POU2F2: variants seen among roughly 807,000 people sequenced by gnomAD.
POU2F2 encodes the protein POU class 2 homeobox 2, also known as POU domain, class 2, transcription factor 2.
In POU2F2, 14 loss-of-function variants were observed where a neutral mutation model predicts 63.5. That is an observed-to-expected ratio of 0.22 (90% confidence interval 0.15 to 0.34). The LOEUF (loss-of-function observed/expected upper bound fraction) is 0.34, where lower values mean the gene tolerates loss of function less well. POU2F2 is among the 10% of genes least tolerant of loss of function. The pLI is 1.00. For missense variants in POU2F2, 607 were observed against 815.2 expected, an observed-to-expected ratio of 0.74 and a Z score of 3.11; for synonymous variants, 306 against 348.6, an observed-to-expected ratio of 0.88 and a Z score of 1.36.
chr19:42,172,226 C>G (rs2034784434), intron 1 of POU2F2, among the ~76,000 whole-genome samples: 5 of 152,206 alleles, frequency 3.3e-5, no homozygotes, highest in Admixed American at 3.3e-4. Context: ...CCCCAGATTC[C>G]TAATGACCTG....
chr19:42,180,890 A>T (rs1599726393), upstream of POU2F2, among the ~76,000 whole-genome samples: 1 of 144,554 alleles, frequency 6.9e-6, no homozygotes, highest in Non-Finnish European at 1.5e-5. Context: ...CACCACACCC[A>T]TCTATTTTTT....
chr19:42,184,583 C>CA (rs1193206361), intron 1 of POU2F2, among the ~76,000 whole-genome samples: 1 of 152,148 alleles, frequency 6.6e-6, no homozygotes, highest in Non-Finnish European at 1.5e-5. Context: ...CATGCCCTTC[C>CA]AGAGGCCAGT....
intron 1 of POU2F2, among the ~76,000 whole-genome samples, chr19:42,182,919 C>T (rs1461814605): frequency 6.6e-6 from 1 of 152,040 alleles, no homozygotes; most frequent in African/African-American, 2.4e-5. Context: ...GGCCCTGAGA[C>T]CACAAGCGGG....
At chr19:42,195,801 A>T (rs1299489855) in intron 1 of POU2F2, among the ~76,000 whole-genome samples, 2 of 121,292 alleles carry the variant, frequency 1.6e-5, no homozygotes, top group African/African-American at 6.5e-5. Context: ...TTTTTCTGAG[A>T]CAGAGTCTCA....
At chr19:42,191,867 G>A (rs1341646350) in intron 1 of POU2F2, among the ~76,000 whole-genome samples, 3 of 152,106 alleles carry the variant, frequency 2.0e-5, no homozygotes, top group Non-Finnish European at 4.4e-5. Context: ...TTAGAATTCC[G>A]ACTCTGCCAT....
At chr19:42,099,187 C>T (rs2077034518) in intron 7 of POU2F2, 1 of 269,784 alleles carries the variant, frequency 3.7e-6, no homozygotes, top group Admixed American at 4.8e-5. Flanking sequence ...GCATTTGCAG[C>T]CTAAAGGCTT....
chr19:42,188,711 G>C (rs1192720755), intron 1 of POU2F2, among the ~76,000 whole-genome samples: 1 of 135,538 alleles, frequency 7.4e-6, no homozygotes, highest in South Asian at 2.6e-4. Context: ...GAAAGACAGA[G>C]AGAGGGAGGG....
chr19:42,180,894 A>G (rs976513230), upstream of POU2F2, among the ~76,000 whole-genome samples: 1 of 140,256 alleles, frequency 7.1e-6, no homozygotes, highest in Admixed American at 7.1e-5. Context: ...ACACCCATCT[A>G]TTTTTTTTTT....
rs573513584 is a variant in POU2F2 at position 42,096,481 on chromosome 19, C to T, written c.568-238G>A. ...ACATGGGTTTCCTCATTGCCTGGGA[C>T]TCTCTGCACTGTCCCTTCACGCCTG... On this transcript the variant is annotated intron_variant, in intron 7 of 14. Transcript: ENST00000692977. The surrounding 1 kb of genome is among the most constrained non-coding windows in gnomAD (Gnocchi z 4.1). Among the ~76,000 whole-genome samples, 1 of 152,342 alleles carries T rather than the reference C, an allele frequency of 6.6e-6. No homozygotes were observed. Among genetic ancestry groups the T allele is most frequent in the South Asian group, 2.1e-4 (1 of 4,832 alleles).
At chr19:42,142,745 G>A (rs1427939865) in intron 2 of POU2F2, among the ~76,000 whole-genome samples, 1 of 151,726 alleles carries the variant, frequency 6.6e-6, no homozygotes, top group Non-Finnish European at 1.5e-5. Context: ...GTACTTTTTG[G>A]TAGAGACAGG....
chr19:42,126,123 G>A (rs2146669754), intron 1 of POU2F2, among the ~76,000 whole-genome samples: 2 of 152,260 alleles, frequency 1.3e-5, no homozygotes, highest in East Asian at 3.9e-4. Context: ...CATTAGGGTG[G>A]ACCTTACTAC....
intron 1 of POU2F2, among the ~76,000 whole-genome samples, chr19:42,160,587 G>A (rs1437017820): frequency 1.3e-5 from 2 of 152,174 alleles, no homozygotes; most frequent in Non-Finnish European, 2.9e-5. Flanking sequence ...TCTGGCCTCT[G>A]AGCCTCTGTG....
At chr19:42,111,403 T>G (rs1278319560) in intron 5 of POU2F2, among the ~76,000 whole-genome samples, 1 of 152,194 alleles carries the variant, frequency 6.6e-6, no homozygotes, top group Non-Finnish European at 1.5e-5. Context: ...CATAAGCCAC[T>G]GTGCCTGGCC....
In POU2F2 at chr19:42,092,818, T is replaced by C. The variant is rs141862583; in HGVS notation, c.1265-548A>G. ...TATCTCATAAAATGAGTTTGAGAAT[T>C]AAGTCAGTCAATGCAGTTTAGAAAG... On this transcript the variant is annotated intron_variant, in intron 12 of 14. Coordinates refer to ENST00000692977, the MANE Select transcript of POU2F2 (RefSeq NM_001394376.1). The surrounding 1 kb of genome is among the most constrained non-coding windows in gnomAD (Gnocchi z 5.0). Among the ~76,000 whole-genome samples, 160 of 151,968 alleles carry C rather than the reference T, an allele frequency of 1.1e-3. 3 individuals carry two copies. Among genetic ancestry groups the C allele is most frequent in the African/African-American group, 3.7e-3 (153 of 41,414 alleles).
At chr19:42,128,136 C>G (rs2033370000) in intron 1 of POU2F2, among the ~76,000 whole-genome samples, 1 of 152,208 alleles carries the variant, frequency 6.6e-6, no homozygotes, top group African/African-American at 2.4e-5. Context: ...GGGCAGAGAC[C>G]TCCACCCCAA....
intron 5 of POU2F2, among the ~76,000 whole-genome samples, chr19:42,100,629 T>C (rs1391829154): frequency 3.3e-5 from 5 of 151,962 alleles, no homozygotes; most frequent in Admixed American, 3.3e-4. Context: ...TACACGCCTG[T>C]AGTCCCAGCT....
chr19:42,189,486 T>C (rs1399207050), intron 1 of POU2F2, among the ~76,000 whole-genome samples: 3 of 152,242 alleles, frequency 2.0e-5, no homozygotes, highest in Non-Finnish European at 4.4e-5. Context: ...GCCCTGGTTC[T>C]AGTCTTTTCT....
intron 14 of POU2F2, 78 bp downstream of exon 14, chr19:42,091,789 C>T (rs2076724783): frequency 6.5e-7 from 1 of 1,545,626 alleles, no homozygotes; most frequent in Non-Finnish European, 8.7e-7. Flanking sequence ...GATGGCATGG[C>T]TGGAGCAGCA....
At chr19:42,168,197 AC>A (rs1322027577) in intron 1 of POU2F2, among the ~76,000 whole-genome samples, 1 of 152,082 alleles carries the variant, frequency 6.6e-6, no homozygotes, top group Non-Finnish European at 1.5e-5. Flanking sequence ...AGTCCTTGTG[AC>A]TGGTGGCCTG....
Sources: allele counts gnomAD v4.1 joint callset (sites outside exome capture counted in the v4.1 genomes callset), GRCh38; gene constraint gnomAD v4.1.1; non-coding constraint Gnocchi (gnomAD v3.1); transcripts MANE v1.5; gene names NCBI Gene and HGNC (gene_info 2026-07-23, HGNC 2026-07-21).